FANK1: variants seen among roughly 807,000 people sequenced by gnomAD.
The protein encoded by FANK1 is fibronectin type III and ankyrin repeat domains 1.
Under a neutral mutation model 45.3 loss-of-function variants are expected in FANK1, and 44 were observed. That is an observed-to-expected ratio of 0.97 (90% CI 0.76 to 1.25). The LOEUF (loss-of-function observed/expected upper bound fraction) is 1.25. Ranked by LOEUF, FANK1 falls within the 50% of genes most tolerant of loss-of-function variation. The pLI is 0.00. For missense variants in FANK1, 391 were observed against 424.4 expected, an observed-to-expected ratio of 0.92 and a Z score of 0.69; for synonymous variants, 149 against 152.5, an observed-to-expected ratio of 0.98 and a Z score of 0.17.
chr10:125,994,705 A>G (rs1174009819), intron 3 of FANK1: 2 of 985,446 alleles, frequency 2.0e-6, no homozygotes, highest in African/African-American at 3.5e-5. Context: ...GGTGGCTTCT[A>G]CATAGCCCTT....
intron 1 of FANK1, among the ~76,000 whole-genome samples, chr10:125,938,753 G>C (rs1432768580): frequency 6.6e-6 from 1 of 152,124 alleles, no homozygotes; most frequent in African/African-American, 2.4e-5. Context: ...AGGTTGCAGT[G>C]AGCCGAGATT....
chr10:125,979,075 G>T (rs1197552708), intron 1 of FANK1, among the ~76,000 whole-genome samples: 3 of 152,186 alleles, frequency 2.0e-5, no homozygotes, highest in Non-Finnish European at 4.4e-5. Context: ...GGTTTGCAAA[G>T]ATCTGTGGGA....
At chr10:125,915,503 A>T (rs113218860) in intron 1 of FANK1, among the ~76,000 whole-genome samples, 1 of 152,250 alleles carries the variant, frequency 6.6e-6, no homozygotes. Flanking sequence ...ACCATAAAAC[A>T]GGTGAAAGGC....
rs76603477 is a variant in FANK1, at chr10:125,899,339, C to T, written c.13+2684C>T. Reference sequence around the variant, plus strand: ...CCTCCCAAAGTGCTGGGATTACAGGCGTGAGCCACCGTGCCCGGCCCCTAA... The same window carrying T: ...CCTCCCAAAGTGCTGGGATTACAGGTGTGAGCCACCGTGCCCGGCCCCTAA... On this transcript the variant is annotated intron_variant, in intron 1 of 10. Transcript: ENST00000368693. 3.4e-4 allele frequency among the ~76,000 whole-genome samples: 51 copies of T among 151,870 alleles called. 1 individual carries two copies. Among genetic ancestry groups the T allele is most frequent in the African/African-American group, 1.2e-3 (50 of 41,310 alleles).
In FANK1 at chr10:126,004,941, T is replaced by C. The variant is rs763301906; in HGVS notation, c.597T>C (p.His199=). The stretch of plus-strand genomic sequence containing the variant: ...ATGTTGTGAAATATCTCCGAAGACA[T>C]GGCGCTTCTTGGCAGGCTAGAGACC... ...HLDVVKYLRR[H]GASWQARDLG... is the part of the protein sequence containing the mutation. Residue 199 remains histidine, a synonymous_variant, in exon 7 of 11, where the codon CAT becomes CAC. Coordinates refer to ENST00000368693, the MANE Select transcript of FANK1 (RefSeq NM_145235.5). The C allele has an allele frequency of 1.1e-5, 17 of 1,614,168 alleles. No homozygotes were observed. The highest frequency in any genetic ancestry group is 1.4e-5 in the Non-Finnish European group (17 of 1,180,042).
chr10:125,912,443 AGTGTGTGTGTGT>A (rs60956003), intron 1 of FANK1, among the ~76,000 whole-genome samples: 1,577 of 147,290 alleles, frequency 0.011, 46 homozygotes, highest in East Asian at 0.094. Flanking sequence ...GCACCACCAA[AGTGTGTGTGTGT>A]GTGTGTGTGT....
At chr10:125,976,103 A>C (rs2134196830) in intron 1 of FANK1, among the ~76,000 whole-genome samples, 1 of 151,100 alleles carries the variant, frequency 6.6e-6, no homozygotes, top group African/African-American at 2.4e-5. Flanking sequence ...GCAGGATATG[A>C]AATTATTGGT....
chr10:125,929,671 A>G (rs1370553500), intron 1 of FANK1, among the ~76,000 whole-genome samples: 1 of 152,162 alleles, frequency 6.6e-6, no homozygotes, highest in Non-Finnish European at 1.5e-5. Context: ...TTAACAGTGG[A>G]GCGTGTGCAG....
In FANK1 at chr10:126,006,523, A is replaced by G. The variant is rs1029922082; in HGVS notation, c.705+1474A>G. Among the ~76,000 whole-genome samples, 11 of 152,246 alleles carry G rather than the reference A, an allele frequency of 7.2e-5. 1 individual carries two copies. Among genetic ancestry groups the G allele is most frequent in the African/African-American group, 2.4e-4 (10 of 41,554 alleles). The stretch of plus-strand genomic sequence containing the variant: ...TTCTGGGCAGGTTTTGCACCTAGTG[A>G]AAGTCTGTGGTTGAAAAAGAAGGTT... On this transcript the variant is annotated intron_variant, in intron 7 of 10. Transcript: ENST00000368693.
chr10:125,922,524 G>A (rs893197440), intron 1 of FANK1, among the ~76,000 whole-genome samples: 2 of 152,184 alleles, frequency 1.3e-5, no homozygotes, highest in South Asian at 4.1e-4. Context: ...ACATCTTTCT[G>A]TTGTTGTTTT....
intron 1 of FANK1, among the ~76,000 whole-genome samples, chr10:125,961,771 C>A (rs556446387): frequency 3.3e-5 from 5 of 152,232 alleles, no homozygotes; most frequent in African/African-American, 1.2e-4. Flanking sequence ...CATAATGAGA[C>A]CCTGTCTTTT....
intron 6 of FANK1, among the ~76,000 whole-genome samples, chr10:126,000,621 C>G (rs1952686769): frequency 6.6e-6 from 1 of 151,838 alleles, no homozygotes; most frequent in Admixed American, 6.6e-5. Context: ...AAAAAATGAC[C>G]AGAAAACACA....
chr10:125,900,897 G>A (rs1396807315), intron 1 of FANK1, among the ~76,000 whole-genome samples: 2 of 152,056 alleles, frequency 1.3e-5, no homozygotes, highest in South Asian at 2.1e-4. Flanking sequence ...TGATCCACCC[G>A]CCTCGGCCTC....
chr10:125,914,734 A>G (rs775658034), intron 1 of FANK1, among the ~76,000 whole-genome samples: 9 of 152,124 alleles, frequency 5.9e-5, no homozygotes, highest in Non-Finnish European at 1.0e-4. Context: ...TCAGTGGAAA[A>G]TGTGTGGTCT....
chr10:125,949,547 C>T (rs1315095518), intron 1 of FANK1, among the ~76,000 whole-genome samples: 2 of 151,172 alleles, frequency 1.3e-5, no homozygotes, highest in East Asian at 3.9e-4. Context: ...CCTAGGAATC[C>T]AACTTACAAG....
rs192014082 is a variant in FANK1 at position 125,953,918 on chromosome 10, G to A, written c.14-26243G>A. ...TCTTTTGGAAGTAAAGCTCAGAGTC[G>A]CAAAGAAAATGAGCACTTAAAGGAT... On this transcript the variant is annotated intron_variant, in intron 1 of 10. Coordinates refer to ENST00000368693, the MANE Select transcript of FANK1 (RefSeq NM_145235.5). Among the ~76,000 whole-genome samples the A allele has an allele frequency of 9.2e-5, 14 of 152,280 alleles. 1 individual carries two copies. Among genetic ancestry groups the A allele is most frequent in the South Asian group, 8.3e-4 (4 of 4,826 alleles).
At chr10:125,914,163 T>C (rs967887183) in intron 1 of FANK1, among the ~76,000 whole-genome samples, 2 of 152,082 alleles carry the variant, frequency 1.3e-5, no homozygotes, top group African/African-American at 4.8e-5. Context: ...CTATGGACAT[T>C]AGATTTTTTA....
At chr10:125,957,800 T>TC (rs1949675883) in intron 1 of FANK1, among the ~76,000 whole-genome samples, 1 of 152,106 alleles carries the variant, frequency 6.6e-6, no homozygotes, top group Non-Finnish European at 1.5e-5. Context: ...GCTGAGGTTA[T>TC]AGGCGTGAGC....
chr10:126,002,221 A>G (rs768878440), intron 6 of FANK1, among the ~76,000 whole-genome samples: 27 of 152,070 alleles, frequency 1.8e-4, no homozygotes, highest in Non-Finnish European at 3.5e-4. Context: ...CTGAATCAGG[A>G]GAATCACTAG....
Sources: allele counts gnomAD v4.1 joint callset (sites outside exome capture counted in the v4.1 genomes callset), GRCh38; gene constraint gnomAD v4.1.1; transcripts MANE v1.5; gene names NCBI Gene and HGNC (gene_info 2026-07-23, HGNC 2026-07-21).